The following ANK2 variants were observed in gnomAD, a reference collection of about 807,000 sequenced individuals.
The protein encoded by ANK2 is ankyrin-2.
A neutral mutation model predicts 360.5 loss-of-function variants in ANK2; 83 were observed. The ratio of observed to expected loss-of-function variants is 0.23; its 90% CI spans 0.19 to 0.28. ANK2 has a LOEUF of 0.28. Among genes scored for constraint, ANK2 ranks in the 10% least tolerant of loss-of-function variants. ANK2 has a pLI of 1.00. For synonymous variants in ANK2, 1,740 were observed against 1,759.5 expected, an observed-to-expected ratio of 0.99 and a Z score of 0.28; for missense variants, 4,201 against 4,795.7, an observed-to-expected ratio of 0.88 and a Z score of 3.66.
chr4:113,261,586 G>A lies in ANK2; in HGVS notation c.1386+3175G>A, dbSNP rs77324236. ...TATTTATTCTTATATATAAACAATG[G>A]TAATATTAACATAAAAGACTAATAA... is the stretch of plus-strand genomic sequence containing the variant. On this transcript the variant is annotated intron_variant, in intron 13 of 45. Transcript: ENST00000357077. Among the ~76,000 whole-genome samples, 1,096 of 152,086 alleles carry A rather than the reference G, an allele frequency of 7.2e-3. 7 individuals carry two copies. Among genetic ancestry groups the A allele is most frequent in the African/African-American group, 0.011 (457 of 41,512 alleles).
At chr4:113,143,468 G>C (rs989024351) in intron 1 of ANK2, among the ~76,000 whole-genome samples, 2 of 152,298 alleles carry the variant, frequency 1.3e-5, no homozygotes, top group Non-Finnish European at 1.5e-5. Flanking sequence ...CTCAGCTCCA[G>C]AATGAAGTGA....
chr4:113,052,160 C>T (rs1300511762), intron 1 of ANK2, among the ~76,000 whole-genome samples: 1 of 152,172 alleles, frequency 6.6e-6, no homozygotes, highest in African/African-American at 2.4e-5. Context: ...AAGAAACTTA[C>T]ATTTTCATAT....
intron 1 of ANK2, among the ~76,000 whole-genome samples, chr4:112,859,713 C>T (rs1362785379): frequency 6.6e-6 from 1 of 152,222 alleles, no homozygotes; most frequent in Non-Finnish European, 1.5e-5. Context: ...TGTCACTTAG[C>T]TGTGACCAGC....
intron 1 of ANK2, among the ~76,000 whole-genome samples, chr4:113,123,796 TC>T (rs2095507827): frequency 6.6e-6 from 1 of 152,094 alleles, no homozygotes; most frequent in South Asian, 2.1e-4. Flanking sequence ...ACATTTCCAT[TC>T]CCCCACCAAC....
At chr4:112,996,421 T>C (rs2048535212) in intron 2 of ANK2, among the ~76,000 whole-genome samples, 1 of 152,200 alleles carries the variant, frequency 6.6e-6, no homozygotes, top group African/African-American at 2.4e-5. Context: ...AATTATACTC[T>C]AATAAAACTA....
At chr4:113,122,749 A>G (rs927050795) in intron 1 of ANK2, among the ~76,000 whole-genome samples, 1 of 152,066 alleles carries the variant, frequency 6.6e-6, no homozygotes, top group African/African-American at 2.4e-5. Context: ...TAGAATCATT[A>G]TTATTATTTA....
rs115410905 is a variant in ANK2, at chr4:113,042,817, C to G, written c.22-131599C>G. 2.9e-3 allele frequency among the ~76,000 whole-genome samples: 439 copies of G among 152,288 alleles called. 7 individuals are homozygous for G. The highest frequency in any genetic ancestry group is 0.01 in the African/African-American group (420 of 41,566). On this transcript the variant is annotated intron_variant, in intron 2 of 30. Transcript: ENST00000503271. The stretch of plus-strand genomic sequence containing the variant: ...ACCTTCCTTTTCATTTAGATAATTT[C>G]TATTTACAGCTCAGATCTTCTCAGT...
chr4:112,952,520 C>A (rs1345194218), intron 2 of ANK2, among the ~76,000 whole-genome samples: 1 of 152,086 alleles, frequency 6.6e-6, no homozygotes, highest in African/African-American at 2.4e-5. Flanking sequence ...ATTCTTTGAG[C>A]TCTAATTTGT....
In ANK2 at chr4:113,369,683, G is replaced by A. The variant is rs1406909211; in HGVS notation, c.11488G>A (p.Glu3830Lys). 4 of 1,614,086 alleles carry A rather than the reference G, an allele frequency of 2.5e-6. No homozygotes were observed. The highest frequency in any genetic ancestry group is 2.2e-5 in the East Asian group (1 of 44,870). The change falls in exon 43 of 46, where the codon GAA (glutamate) becomes AAA (lysine). Residue 3830 changes from glutamate to lysine, a missense_variant. Physicochemically the swap from Glu to Lys is moderately conservative, Grantham distance 56. Coordinates refer to ENST00000357077, the MANE Select transcript of ANK2 (RefSeq NM_001148.6). ...AGGCTCTCCCATCATACAAGAACCC[G>A]AAGAGCCCTCAGAGCACAGAGAGGA... ...RGGSPIIQEP[E>K]EPSEHREESS... is the part of the protein sequence containing the mutation.
intron 2 of ANK2, among the ~76,000 whole-genome samples, chr4:112,944,351 C>T (rs1398962423): frequency 2.0e-5 from 3 of 152,164 alleles, no homozygotes; most frequent in Admixed American, 6.5e-5. Context: ...GTTGACAGAA[C>T]TGCCTAACAC....
At chr4:113,250,158 T>C (rs2045358603) in intron 10 of ANK2, among the ~76,000 whole-genome samples, 1 of 152,248 alleles carries the variant, frequency 6.6e-6, no homozygotes, top group Admixed American at 6.5e-5. Context: ...GAATATCTCT[T>C]AGATGCTGAG....
At chr4:113,120,119 A>G (rs1350634887) in intron 1 of ANK2, among the ~76,000 whole-genome samples, 1 of 152,122 alleles carries the variant, frequency 6.6e-6, no homozygotes, top group East Asian at 1.9e-4. Context: ...CTGGTTAGCT[A>G]ATATTTAAAT....
At chr4:112,714,032 C>T in the ANK2 span, among the ~76,000 whole-genome samples, 1 of 151,540 alleles carries the variant, frequency 6.6e-6, no homozygotes, top group Non-Finnish European at 1.5e-5. Flanking sequence ...GTTCTTATTG[C>T]TCTGCGTCCT....
intron 2 of ANK2, among the ~76,000 whole-genome samples, chr4:113,003,758 G>T (rs1383419248): frequency 1.3e-5 from 2 of 152,204 alleles, no homozygotes; most frequent in Non-Finnish European, 2.9e-5. Flanking sequence ...ACACAGTCAT[G>T]TGTCGCTTAA....
At chr4:113,366,908 A>G (rs2096559437) in intron 41 of ANK2, among the ~76,000 whole-genome samples, 1 of 152,168 alleles carries the variant, frequency 6.6e-6, no homozygotes, top group African/African-American at 2.4e-5. Flanking sequence ...CTTATTACAT[A>G]GTTGGTGCTC....
intron 1 of ANK2, among the ~76,000 whole-genome samples, chr4:113,154,397 C>T (rs76507913): frequency 0.017 from 2,658 of 152,260 alleles, 101 homozygotes; most frequent in African/African-American, 0.061. Flanking sequence ...AAATTTCATT[C>T]CATTGTTGAG....
At chr4:113,079,067 G>A (rs767852771) in intron 1 of ANK2, among the ~76,000 whole-genome samples, 5 of 152,056 alleles carry the variant, frequency 3.3e-5, no homozygotes, top group Non-Finnish European at 7.4e-5. Flanking sequence ...ATAAACACGT[G>A]GAAACTGCAC....
chr4:112,854,564 G>A (rs1053456438), intron 1 of ANK2, among the ~76,000 whole-genome samples: 25 of 152,158 alleles, frequency 1.6e-4, no homozygotes, highest in African/African-American at 5.3e-4. Context: ...CTGGTACTGT[G>A]AGAATGAGAG....
At chr4:113,212,474 T>C (rs1385282244) in intron 4 of ANK2, among the ~76,000 whole-genome samples, 1 of 152,218 alleles carries the variant, frequency 6.6e-6, no homozygotes, top group Non-Finnish European at 1.5e-5. Flanking sequence ...CTTAAAGCTA[T>C]GAAGAAGAAG....
Sources: allele counts gnomAD v4.1 joint callset (sites outside exome capture counted in the v4.1 genomes callset), GRCh38; gene constraint gnomAD v4.1.1; transcripts MANE v1.5; gene names NCBI Gene and HGNC (gene_info 2026-07-23, HGNC 2026-07-21).